Variants in OTUD7B observed in about 807,000 individuals in gnomAD.
OTUD7B encodes OTU deubiquitinase 7B, also known as OTU domain-containing protein 7B.
Under a neutral mutation model 82.2 loss-of-function variants are expected in OTUD7B, and 34 were observed. The ratio of observed to expected loss-of-function variants is 0.41; its 90% CI spans 0.31 to 0.55. The LOEUF (loss-of-function observed/expected upper bound fraction) is 0.55, where lower values mean the gene tolerates loss of function less well. Among genes scored for constraint, OTUD7B ranks in the 20% least tolerant of loss-of-function variants. The pLI, the probability that OTUD7B is intolerant of heterozygous loss-of-function variation, is 0.20. For missense variants in OTUD7B, 944 were observed against 1,062.1 expected (o/e 0.89, Z 1.55); for synonymous variants, 398 against 402.7 (o/e 0.99, Z 0.14).
chr1:150,044,673 A>AAATAATAATAATAATAAT, the OTUD7B span, among the ~76,000 whole-genome samples: 7 of 149,020 alleles, frequency 4.7e-5, no homozygotes, highest in African/African-American at 1.5e-4. Context: ...CTGTCTCAAA[A>AAATAATAATAATAATAAT]AATAATAATA....
In OTUD7B at chr1:149,960,413, T is replaced by TTTTTTTTTTTTTG. The variant is rs1366020859; in HGVS notation, c.733-618_733-617insCAAAAAAAAAAAA. ...CCTTTTTTTCTTTTTTTTTTTTTTG[T>TTTTTTTTTTTTTG]AGACAGAGTCACCCAGGCTGGAGTG... is the stretch of plus-strand genomic sequence containing the variant. On this transcript the variant is annotated intron_variant, in intron 6 of 11. Transcript: ENST00000581312. Among the ~76,000 whole-genome samples the TTTTTTTTTTTTTG allele has an allele frequency of 4.3e-4, 31 of 72,574 alleles. 2 individuals are homozygous for TTTTTTTTTTTTTG. Among genetic ancestry groups the TTTTTTTTTTTTTG allele is most frequent in the South Asian group, 1.6e-3 (3 of 1,858 alleles). The allele number at this position is 72,574 out of a possible 152,430, so 47.6% of individuals were successfully genotyped here. A position where few individuals can be genotyped will look rare whatever the true frequency, so the allele number is the denominator to read the frequency against.
Position 149,944,939 on chromosome 1 carries a change from G to T in OTUD7B, c.1450C>A (p.Arg484=). The part of the protein sequence containing the change: ...SSSTSNEGGR[R]KEKSKRDREK... ...CGATCTCGCTTTGACTTCTCCTTCC[G>T]CCGGCCGCCCTCGTTGCTGGTGGAA... Residue 484 remains arginine, a synonymous_variant, in exon 12 of 12, where the codon CGG becomes AGG. Coordinates refer to ENST00000581312, the MANE Select transcript of OTUD7B (RefSeq NM_020205.4). 6.2e-7 allele frequency: 1 copy of T among 1,614,066 alleles called. No homozygotes were observed. Among genetic ancestry groups the T allele is most frequent in the Admixed American group, 1.7e-5 (1 of 60,016 alleles).
chr1:149,952,853 T>G (rs1454939085), intron 7 of OTUD7B, among the ~76,000 whole-genome samples: 2 of 152,360 alleles, frequency 1.3e-5, no homozygotes, highest in East Asian at 3.9e-4. Flanking sequence ...TGTCTTCTTT[T>G]GAGAAGTGTC....
At chr1:149,999,284 G>A (rs1652119755) in intron 1 of OTUD7B, among the ~76,000 whole-genome samples, 1 of 152,160 alleles carries the variant, frequency 6.6e-6, no homozygotes, top group Non-Finnish European at 1.5e-5. Context: ...CAAATAGCCA[G>A]GAATTTATTT....
chr1:150,036,993 CT>C, the OTUD7B span, among the ~76,000 whole-genome samples: 2 of 152,158 alleles, frequency 1.3e-5, no homozygotes, highest in Non-Finnish European at 2.9e-5. Flanking sequence ...GTAAACTGCT[CT>C]TTTACTGCTC....
intron 11 of OTUD7B, among the ~76,000 whole-genome samples, chr1:149,946,092 T>G (rs1018842223): frequency 6.1e-5 from 9 of 146,996 alleles, no homozygotes; most frequent in Admixed American, 5.5e-4. Context: ...TAATAATATG[T>G]TTTAGGTCAG....
chr1:150,022,071 T>C, the OTUD7B span, among the ~76,000 whole-genome samples: 1 of 152,204 alleles, frequency 6.6e-6, no homozygotes, highest in South Asian at 2.1e-4. Context: ...TCAAGACTAG[T>C]TCCACAGTCT....
intron 7 of OTUD7B, among the ~76,000 whole-genome samples, chr1:149,954,635 T>G (rs2101766147): frequency 6.6e-6 from 1 of 152,292 alleles, no homozygotes; most frequent in Admixed American, 6.5e-5. Context: ...CCAGCTCCTC[T>G]TTGTACCTCT....
intron 2 of OTUD7B, among the ~76,000 whole-genome samples, chr1:149,973,164 T>C (rs587654710): frequency 4.6e-5 from 7 of 152,362 alleles, no homozygotes; most frequent in Non-Finnish European, 8.8e-5. Context: ...GAATTCTCTA[T>C]CTGGTCTCTC....
the OTUD7B span, among the ~76,000 whole-genome samples, chr1:150,049,674 C>T: frequency 6.9e-5 from 9 of 129,834 alleles, no homozygotes; most frequent in South Asian, 2.4e-4. Context: ...ATTACAGGCT[C>T]GACCTCCTGG....
the OTUD7B span, among the ~76,000 whole-genome samples, chr1:150,035,395 G>A: frequency 2.0e-5 from 3 of 152,190 alleles, no homozygotes; most frequent in Non-Finnish European, 4.4e-5. Flanking sequence ...AAGCCTCAGA[G>A]ACAGAGAGGG....
At chr1:150,004,610 T>A (rs587690753) in intron 1 of OTUD7B, among the ~76,000 whole-genome samples, 24 of 149,910 alleles carry the variant, frequency 1.6e-4, no homozygotes, top group Middle Eastern at 3.5e-3. Context: ...TAAATAAATT[T>A]TATATATATA....
chr1:150,035,154 A>AT, the OTUD7B span, among the ~76,000 whole-genome samples: 55 of 151,618 alleles, frequency 3.6e-4, no homozygotes, highest in Admixed American at 3.3e-3. Context: ...CAAAAAAAAA[A>AT]AAGGTCAGTA....
chr1:149,944,137 G>C lies in OTUD7B; in HGVS notation c.2252C>G (p.Pro751Arg), dbSNP rs782470121. ...PHQDSIPSLEPGSHSKDGLHR... is the reference protein window; with the variant it reads ...PHQDSIPSLERGSHSKDGLHR... ...AAGTCCATCCTTAGAGTGGCTGCCT[G>C]GCTCCAGAGAAGGGATGCTGTCCTG... The change falls in exon 12 of 12, where the codon CCA becomes CGA. Residue 751 changes from proline (P) to arginine (R), a missense_variant. Coordinates refer to ENST00000581312, the MANE Select transcript of OTUD7B (RefSeq NM_020205.4). 2.5e-6 allele frequency: 4 copies of C among 1,613,922 alleles called. No individual in the cohort carries two copies. The African/African-American group carries it at 5.3e-5, about 22-fold the overall frequency.
upstream of OTUD7B, among the ~76,000 whole-genome samples, chr1:150,014,078 G>A (rs1313386051): frequency 7.5e-4 from 20 of 26,556 alleles, no homozygotes; most frequent in African/African-American, 2.2e-3. Context: ...GTGTGTGTGT[G>A]TGTGTGTATA....
At chr1:149,982,046 G>A (rs1432527588) in intron 1 of OTUD7B, among the ~76,000 whole-genome samples, 1 of 152,098 alleles carries the variant, frequency 6.6e-6, no homozygotes, top group Non-Finnish European at 1.5e-5. Context: ...CTACCCGGGA[G>A]GCTGAGGCAG....
At chr1:150,002,786 T>C (rs1553785176) in intron 1 of OTUD7B, among the ~76,000 whole-genome samples, 1 of 152,200 alleles carries the variant, frequency 6.6e-6, no homozygotes, top group African/African-American at 2.4e-5. Flanking sequence ...CCGCCAGTTG[T>C]CTGATTCCAT....
chr1:149,966,593 C>T (rs1649533635), intron 4 of OTUD7B, among the ~76,000 whole-genome samples: 1 of 152,150 alleles, frequency 6.6e-6, no homozygotes, highest in Admixed American at 6.5e-5. Flanking sequence ...CCATTATTTA[C>T]ATGAGGAAAA....
At chr1:149,990,022 C>A (rs1651453625) in intron 1 of OTUD7B, among the ~76,000 whole-genome samples, 1 of 152,212 alleles carries the variant, frequency 6.6e-6, no homozygotes, top group Non-Finnish European at 1.5e-5. Flanking sequence ...ACTCTCCAAT[C>A]TGACTATCAG....
Sources: gnomAD v4.1 joint callset for allele counts (sites outside exome capture counted in the v4.1 genomes callset) on GRCh38, gnomAD v4.1.1 for gene constraint, MANE v1.5 for transcripts, NCBI Gene and HGNC (gene_info 2026-07-23, HGNC 2026-07-21) for gene names.